COPG1: variants seen among roughly 807,000 people sequenced by gnomAD.
COPG1 encodes coatomer subunit gamma-1.
A neutral mutation model predicts 102.8 loss-of-function variants in COPG1; 29 were observed. That is an observed-to-expected ratio of 0.28 (90% confidence interval 0.21 to 0.38). The LOEUF is 0.38. Among genes scored for constraint, COPG1 ranks in the 10% least tolerant of loss-of-function variants. The pLI, the probability that COPG1 is intolerant of heterozygous loss-of-function variation, is 1.00. For synonymous variants in COPG1, 406 were observed against 421.6 expected, an observed-to-expected ratio of 0.96 and a Z score of 0.45; for missense variants, 875 against 1,132.7, an observed-to-expected ratio of 0.77 and a Z score of 3.27.
chr3:129,250,404 C>T (rs990956499), intron 1 of COPG1, among the ~76,000 whole-genome samples: 1 of 152,114 alleles, frequency 6.6e-6, no homozygotes, highest in Non-Finnish European at 1.5e-5. Flanking sequence ...TAGTTAATTA[C>T]AAGTTATATA....
chr3:129,268,127 A>G, intron 16 of COPG1, 87 bp downstream of exon 16: 1 of 1,216,740 alleles, frequency 8.2e-7, no homozygotes, highest in Non-Finnish European at 1.2e-6. Flanking sequence ...ATCAGAGGCA[A>G]GATGCTCTTG....
chr3:129,261,676 A>G (rs1037611858), intron 12 of COPG1, among the ~76,000 whole-genome samples: 3 of 152,234 alleles, frequency 2.0e-5, no homozygotes, highest in African/African-American at 7.2e-5. Flanking sequence ...CAACCAGGAA[A>G]GTGACACTGG....
chr3:129,250,566 G>T, intron 1 of COPG1, 116 bp from the exon 2 acceptor site: 1 of 793,384 alleles, frequency 1.3e-6, no homozygotes, highest in Non-Finnish European at 2.1e-6. Context: ...TGCCATTCCT[G>T]AGGAGTTTGA....
chr3:129,263,436 AGTGGC>A (rs1359034395), intron 12 of COPG1, among the ~76,000 whole-genome samples: 1 of 152,194 alleles, frequency 6.6e-6, no homozygotes, highest in African/African-American at 2.4e-5. Context: ...ATTGGGAGTC[AGTGGC>A]ATATAAGAGG....
At chr3:129,260,587 C>G (rs746190956) in intron 11 of COPG1, 32 bp from the exon 12 acceptor site, 1 of 1,608,126 alleles carries the variant, frequency 6.2e-7, no homozygotes, top group South Asian at 1.1e-5. Flanking sequence ...CATTGGGTTC[C>G]TGCCCTCTCT....
Position 129,255,155 on chromosome 3 carries a change from A to G in COPG1, c.492+78A>G. The G allele has an allele frequency of 5.5e-6, 5 of 911,998 alleles. No individual in the cohort carries two copies. In the East Asian group the frequency reaches 1.2e-4, roughly 22 times the overall value. 56.5% of individuals were successfully genotyped at this position (911,998 alleles called of 1,614,324 possible). Reference sequence around the variant, plus strand: ...AATTTAAGAGTCACATTCCAGTAGGAAAAAAGAAAGTGTTTCTTTCTTTCT... The same window carrying G: ...AATTTAAGAGTCACATTCCAGTAGGGAAAAAGAAAGTGTTTCTTTCTTTCT... On this transcript the variant is annotated intron_variant, in intron 7 of 23. Coordinates refer to ENST00000314797, the MANE Select transcript of COPG1 (RefSeq NM_016128.4).
At chr3:129,272,177 G>A (rs770245279) in intron 19 of COPG1, 67 bp from the exon 20 acceptor site, 2 of 1,444,886 alleles carry the variant, frequency 1.4e-6, no homozygotes, top group Admixed American at 1.8e-5. Context: ...GGGACCTCCT[G>A]GCTTTTCCTC....
In COPG1 at chr3:129,249,625, T is replaced by C. The variant is rs1021290070; in HGVS notation, c.-85T>C. On this transcript the variant is annotated 5_prime_UTR_variant, in exon 1 of 24. Transcript: ENST00000314797. The stretch of plus-strand genomic sequence containing the variant: ...GTGGCCAGTCGGGGCCCGGAAGTGG[T>C]CCCTGTAGAACCACTGTGGCACCGC... The C allele has an allele frequency of 4.1e-6, 6 of 1,476,596 alleles. No individual in the cohort carries two copies. The highest frequency in any genetic ancestry group is 4.0e-5 in the Admixed American group (2 of 49,384). 91.5% of individuals were successfully genotyped at this position (1,476,596 alleles called of 1,614,324 possible). A position where few individuals can be genotyped will look rare whatever the true frequency, so the allele number is the denominator to read the frequency against.
chr3:129,261,052 G>A (rs1295649041), intron 12 of COPG1, among the ~76,000 whole-genome samples: 1 of 152,202 alleles, frequency 6.6e-6, no homozygotes, highest in Admixed American at 6.5e-5. Flanking sequence ...GCCAGTTAAG[G>A]GTTCATTGAT....
chr3:129,256,616 G>A (rs757826515), intron 8 of COPG1, among the ~76,000 whole-genome samples: 5 of 152,202 alleles, frequency 3.3e-5, no homozygotes, highest in Non-Finnish European at 5.9e-5. Flanking sequence ...AAATACGAAT[G>A]AAGGTTACTG....
Position 129,260,290 on chromosome 3 carries a change from A to G in COPG1, c.872-43A>G, listed in dbSNP as rs1236426508. ...TAGCCCCCGGTTTTCCCAGCTGCCCAGCAGTGAAGGCAACCTGACATGTGG... is the reference window on the plus strand; with the variant it reads ...TAGCCCCCGGTTTTCCCAGCTGCCCGGCAGTGAAGGCAACCTGACATGTGG... On this transcript the variant is annotated intron_variant, in intron 10 of 23. Coordinates refer to ENST00000314797, the MANE Select transcript of COPG1 (RefSeq NM_016128.4). 6.3e-6 allele frequency: 10 copies of G among 1,588,316 alleles called. No homozygotes were observed. In the African/African-American group the frequency reaches 6.7e-5, roughly 11 times the overall value.
intron 10 of COPG1, among the ~76,000 whole-genome samples, chr3:129,259,624 A>G (rs1178503498): frequency 6.6e-6 from 1 of 152,078 alleles, no homozygotes; most frequent in Non-Finnish European, 1.5e-5. Flanking sequence ...TTTTTTGAGT[A>G]TTAGAGAATA....
At chr3:129,254,903 C>T in intron 6 of COPG1, 82 bp from the exon 7 acceptor site, 1 of 1,254,096 alleles carries the variant, frequency 8.0e-7, no homozygotes, top group Non-Finnish European at 1.2e-6. Flanking sequence ...TCCTCATACT[C>T]ATCTCTGCCC....
At chr3:129,255,231 T>C (rs1420621450) in intron 7 of COPG1, among the ~76,000 whole-genome samples, 154 bp downstream of exon 7, 3 of 151,424 alleles carry the variant, frequency 2.0e-5, no homozygotes, top group African/African-American at 7.3e-5. Context: ...CAGGCTAGAG[T>C]GCAGCGCCAC....
chr3:129,256,647 G>A (rs566627256), intron 8 of COPG1, among the ~76,000 whole-genome samples: 8 of 152,352 alleles, frequency 5.3e-5, no homozygotes, highest in Middle Eastern at 3.4e-3. Flanking sequence ...CAGCAAGGAC[G>A]AGCTGAGATC....
intron 1 of COPG1, among the ~76,000 whole-genome samples, chr3:129,250,225 G>T (rs931786643): frequency 2.0e-4 from 30 of 152,196 alleles, no homozygotes; most frequent in African/African-American, 6.8e-4. Flanking sequence ...TACTGCAACA[G>T]AGCAAGTGGG....
Position 129,254,653 on chromosome 3 carries a change from CCTT to C in COPG1, c.324-10_324-8del, listed in dbSNP as rs1553796143. 1 of 1,610,912 alleles carries C rather than the reference CCTT, an allele frequency of 6.2e-7. No homozygotes were observed. The highest frequency in any genetic ancestry group is 8.5e-7 in the Non-Finnish European group (1 of 1,177,176). On this transcript the variant is annotated splice_polypyrimidine_tract_variant and intron_variant, in intron 5 of 23. Coordinates refer to ENST00000314797, the MANE Select transcript of COPG1 (RefSeq NM_016128.4). ...CCAGGCTCTCTGCATGCTGACAATG[CCTT>C]CTTCCCTGCAGCCTAACAAAAGACA...
At chr3:129,251,207 G>A (rs1453154255) in intron 2 of COPG1, among the ~76,000 whole-genome samples, 1 of 151,426 alleles carries the variant, frequency 6.6e-6, no homozygotes, top group Non-Finnish European at 1.5e-5. Context: ...ACAGGCTTGA[G>A]CCACCGCGCC....
In COPG1 at chr3:129,263,886, C is replaced by A; in HGVS notation, c.1129-18C>A. On this transcript the variant is annotated intron_variant, in intron 12 of 23. Transcript: ENST00000314797. The stretch of plus-strand genomic sequence containing the variant: ...TTGGTGGCAGGGCCTGCTGCTCATG[C>A]ACGTCTATTTCATTTAGGTGGTGGT... 1 of 1,609,610 alleles carries A rather than the reference C, an allele frequency of 6.2e-7. No homozygotes were observed. Among genetic ancestry groups the A allele is most frequent in the South Asian group, 1.1e-5 (1 of 90,952 alleles).
Sources: gnomAD v4.1 joint callset for allele counts (sites outside exome capture counted in the v4.1 genomes callset) on GRCh38, gnomAD v4.1.1 for gene constraint, MANE v1.5 for transcripts, NCBI Gene and HGNC (gene_info 2026-07-23, HGNC 2026-07-21) for gene names.